The following MTA3 variants were observed in gnomAD, a reference collection of about 807,000 sequenced individuals.
MTA3 encodes metastasis associated 1 family member 3, also known as metastasis-associated protein MTA3.
Under a neutral mutation model 83.5 loss-of-function variants are expected in MTA3, and 34 were observed. The ratio of observed to expected loss-of-function variants is 0.41; its 90% confidence interval spans 0.31 to 0.54. The LOEUF (loss-of-function observed/expected upper bound fraction) is 0.54, where lower values mean the gene tolerates loss of function less well. Ranked by LOEUF, MTA3 falls within the 20% of genes least tolerant of loss-of-function variation. MTA3 has a pLI of 0.33. For synonymous variants in MTA3, 303 were observed against 252.7 expected, an observed-to-expected ratio of 1.20 and a Z score of -1.89; for missense variants, 761 against 726.4, an observed-to-expected ratio of 1.05 and a Z score of -0.55.
intron 2 of MTA3, among the ~76,000 whole-genome samples, chr2:42,512,945 A>G (rs1674970804): frequency 6.6e-6 from 1 of 152,210 alleles, no homozygotes; most frequent in Non-Finnish European, 1.5e-5. Context: ...GACCCTTAAG[A>G]AAACTCCAAT....
intron 6 of MTA3, among the ~76,000 whole-genome samples, chr2:42,647,594 C>T (rs1020127017): frequency 1.3e-5 from 2 of 151,668 alleles, no homozygotes; most frequent in African/African-American, 4.8e-5. Flanking sequence ...CAAGGAATGC[C>T]TTTCCTTTCT....
chr2:42,637,253 G>A (rs1349103697), intron 4 of MTA3, among the ~76,000 whole-genome samples: 1 of 152,178 alleles, frequency 6.6e-6, no homozygotes, highest in Admixed American at 6.5e-5. Context: ...AGTAGTACGA[G>A]TGATTATATG....
chr2:42,657,018 A>G (rs1472985420), intron 7 of MTA3, among the ~76,000 whole-genome samples: 2 of 152,342 alleles, frequency 1.3e-5, no homozygotes, highest in East Asian at 1.9e-4. Flanking sequence ...TTTGCTGTGT[A>G]CAAAACTATT....
intron 2 of MTA3, among the ~76,000 whole-genome samples, chr2:42,527,451 C>T (rs12712849): frequency 0.36 from 55,086 of 151,944 alleles, 10,124 homozygotes; most frequent in African/African-American, 0.41. Context: ...CTGCAATACT[C>T]TTTTTTCCTC....
chr2:42,748,406 C>G (rs981370565), intron 16 of MTA3, among the ~76,000 whole-genome samples: 1 of 152,106 alleles, frequency 6.6e-6, no homozygotes, highest in African/African-American at 2.4e-5. Context: ...ACAGTGTGTA[C>G]TCTATTTGTC....
chr2:42,538,736 A>AAAGAAG (rs1676376016), intron 2 of MTA3, among the ~76,000 whole-genome samples: 1 of 149,438 alleles, frequency 6.7e-6, no homozygotes, highest in Non-Finnish European at 1.5e-5. Flanking sequence ...AGAAAAAGAA[A>AAAGAAG]AGAAAAGAAA....
chr2:42,607,632 T>G (rs1190464957), intron 3 of MTA3, among the ~76,000 whole-genome samples: 1 of 152,134 alleles, frequency 6.6e-6, no homozygotes, highest in Non-Finnish European at 1.5e-5. Flanking sequence ...GCATGAGCCA[T>G]CACACCTGGC....
intron 16 of MTA3, among the ~76,000 whole-genome samples, chr2:42,725,295 T>G (rs566299939): frequency 3.9e-5 from 6 of 152,296 alleles, no homozygotes; most frequent in Non-Finnish European, 8.8e-5. Context: ...GTGAATTAAA[T>G]TTTCCAAAGT....
intron 3 of MTA3, among the ~76,000 whole-genome samples, chr2:42,601,953 C>G (rs536368804): frequency 3.3e-5 from 5 of 152,314 alleles, no homozygotes; most frequent in African/African-American, 9.6e-5. Flanking sequence ...AATTCTCCCA[C>G]CTCAGCCCCC....
intron 8 of MTA3, among the ~76,000 whole-genome samples, chr2:42,665,192 G>C (rs527301960): frequency 6.6e-6 from 1 of 152,286 alleles, no homozygotes; most frequent in Non-Finnish European, 1.5e-5. Context: ...AGGAGTTCGA[G>C]ACCAGCCTGG....
At chr2:42,540,028 C>T (rs985319969) in intron 2 of MTA3, among the ~76,000 whole-genome samples, 2 of 152,148 alleles carry the variant, frequency 1.3e-5, no homozygotes, top group Non-Finnish European at 2.9e-5. Flanking sequence ...CTTCCTCCCT[C>T]TCTCTGGCTG....
rs1670228423 is a variant in MTA3 at position 42,756,218 on chromosome 2, GA to G, written c.*2820del. The G allele has an allele frequency of 5.0e-6, 1 of 201,764 alleles. No homozygotes were observed. The highest frequency in any genetic ancestry group is 6.5e-5 in the Admixed American group (1 of 15,326). The allele number at this position is 201,764 out of a possible 1,614,324, so 12.5% of individuals were successfully genotyped here. A position where few individuals can be genotyped will look rare whatever the true frequency, so the allele number is the denominator to read the frequency against. On this transcript the variant is annotated 3_prime_UTR_variant, in exon 17 of 17. Coordinates refer to ENST00000405094, the MANE Select transcript of MTA3 (RefSeq NM_001330442.2). ...GAGCCTGGGGCCAAGGCCACTGGGG[GA>G]CCTGCCACACTGTGGACCTGTCTGG...
intron 4 of MTA3, among the ~76,000 whole-genome samples, chr2:42,637,725 A>G (rs1197860810): frequency 1.3e-5 from 2 of 152,186 alleles, no homozygotes; most frequent in Admixed American, 1.3e-4. Context: ...AACTTAGATC[A>G]CTTATTATCC....
intron 6 of MTA3, 38 bp from the exon 7 acceptor site, chr2:42,656,162 G>C: frequency 6.8e-7 from 1 of 1,468,582 alleles, no homozygotes; most frequent in East Asian, 2.3e-5. Flanking sequence ...AGTATGCCTT[G>C]TCAGTAACAA....
At chr2:42,568,621 C>A, upstream of MTA3, 5 of 499,798 alleles carry the variant, frequency 1.0e-5, no homozygotes, top group Non-Finnish European at 1.2e-5. Flanking sequence ...CCCTTCCCTC[C>A]CTTCCCCCCC....
intron 16 of MTA3, among the ~76,000 whole-genome samples, chr2:42,734,913 C>G (rs923689764): frequency 3.3e-5 from 5 of 152,110 alleles, no homozygotes; most frequent in Admixed American, 6.6e-5. Flanking sequence ...ATATCTTATA[C>G]TGCTTATCTC....
At chr2:42,567,503 A>T (rs1572994835), upstream of MTA3, among the ~76,000 whole-genome samples, 1 of 152,150 alleles carries the variant, frequency 6.6e-6, no homozygotes, top group Non-Finnish European at 1.5e-5. Context: ...GTATCACCAC[A>T]CATTCCAAAC....
chr2:42,636,931 T>C (rs560574856), intron 4 of MTA3, among the ~76,000 whole-genome samples: 2 of 152,282 alleles, frequency 1.3e-5, no homozygotes, highest in Non-Finnish European at 2.9e-5. Flanking sequence ...GGCCCTCCTC[T>C]TTCATTTATA....
At chr2:42,670,413 G>T (rs960982977) in intron 8 of MTA3, among the ~76,000 whole-genome samples, 1 of 152,094 alleles carries the variant, frequency 6.6e-6, no homozygotes, top group Admixed American at 6.6e-5. Flanking sequence ...ACAAATTAGA[G>T]AATTTAGTTT....
Sources: allele counts gnomAD v4.1 joint callset (sites outside exome capture counted in the v4.1 genomes callset), GRCh38; gene constraint gnomAD v4.1.1; transcripts MANE v1.5; gene names NCBI Gene and HGNC (gene_info 2026-07-23, HGNC 2026-07-21).